The following LRRC69 variants were observed in gnomAD, a reference collection of about 807,000 sequenced individuals.
LRRC69 encodes leucine rich repeat containing 69.
A neutral mutation model predicts 37.8 loss-of-function variants in LRRC69; 42 were observed. The ratio of observed to expected loss-of-function variants is 1.11; its 90% CI spans 0.87 to 1.44. The LOEUF is 1.44. Among genes scored for constraint, LRRC69 ranks in the 40% most tolerant of loss-of-function variants. The probability of loss-of-function intolerance (pLI) is 0.00; values close to 1 mark genes in which losing one functional copy is unlikely to be tolerated. For missense variants in LRRC69, 357 were observed against 401.9 expected, an observed-to-expected ratio of 0.89 and a Z score of 0.96; for synonymous variants, 141 against 143.1, an observed-to-expected ratio of 0.99 and a Z score of 0.11.
intron 5 of LRRC69, among the ~76,000 whole-genome samples, chr8:91,150,638 T>A (rs576173876): frequency 6.6e-6 from 1 of 152,210 alleles, no homozygotes; most frequent in Non-Finnish European, 1.5e-5. Context: ...TTCTACTGAT[T>A]GGAATAGTTT....
At position 91,124,621 on chromosome 8, in the gene LRRC69, T is replaced by C. The variant is rs1813688219; in HGVS notation, c.310+2T>C. 6.5e-7 allele frequency: 1 copy of C among 1,528,536 alleles called. No individual in the cohort carries two copies. Among genetic ancestry groups the C allele is most frequent in the African/African-American group, 1.4e-5 (1 of 71,842 alleles). 94.7% of individuals were successfully genotyped at this position (1,528,536 alleles called of 1,614,324 possible). On this transcript the variant is annotated splice_donor_variant, in intron 2 of 7. Coordinates refer to ENST00000448384, the Ensembl canonical transcript of LRRC69. LOFTEE classifies it high-confidence loss of function. ...GTAGATTTGCACCTGGAGCCTGTGG[T>C]AATTTAATCAACAAGGAACAACATT...
intron 5 of LRRC69, among the ~76,000 whole-genome samples, chr8:91,151,283 G>A (rs1474063375): frequency 6.6e-6 from 1 of 151,296 alleles, no homozygotes; most frequent in Non-Finnish European, 1.5e-5. Flanking sequence ...CTGGTATGTT[G>A]TGTCTTTGTT....
At position 91,158,230 on chromosome 8, in the gene LRRC69, T is replaced by A; in HGVS notation, c.651+22491T>A. 2.5e-6 allele frequency: 4 copies of A among 1,589,048 alleles called. No homozygotes were observed. In the South Asian group the frequency reaches 4.4e-5, roughly 18 times the overall value. On this transcript the variant is annotated intron_variant, in intron 5 of 7. Transcript: ENST00000448384. ...CTTACTATTCAACTGTGGATCAAGT[T>A]AAGGATCTCTACAGTGGATTAATTG...
chr8:91,144,555 TC>T (rs1173135082), intron 5 of LRRC69, among the ~76,000 whole-genome samples: 5 of 152,138 alleles, frequency 3.3e-5, no homozygotes, highest in African/African-American at 1.2e-4. Context: ...AAATAGGACC[TC>T]TCATTACTGA....
At chr8:91,135,385 G>A (rs868677570) in intron 4 of LRRC69, among the ~76,000 whole-genome samples, 9 of 152,054 alleles carry the variant, frequency 5.9e-5, no homozygotes, top group African/African-American at 2.2e-4. Context: ...TTTGCCCATA[G>A]TTATAGTACC....
intron 5 of LRRC69, among the ~76,000 whole-genome samples, chr8:91,179,148 G>A (rs1421997828): frequency 6.6e-6 from 1 of 152,158 alleles, no homozygotes; most frequent in Non-Finnish European, 1.5e-5. Context: ...TTCTTGCATT[G>A]CTATAAATAA....
In LRRC69 at chr8:91,180,448, A is replaced by G. The variant is rs188894681; in HGVS notation, c.652-9074A>G. ...GAAGAGAGAATAAGCAGGAATTGCAATACCTTTTATGGTCTAATCTCTGAA... is the reference window on the plus strand; with the variant it reads ...GAAGAGAGAATAAGCAGGAATTGCAGTACCTTTTATGGTCTAATCTCTGAA... On this transcript the variant is annotated intron_variant, in intron 5 of 7. Coordinates refer to ENST00000448384, the Ensembl canonical transcript of LRRC69. Among the ~76,000 whole-genome samples the G allele has an allele frequency of 1.2e-3, 170 of 141,616 alleles. 1 individual carries two copies. The highest frequency in any genetic ancestry group is 2.4e-3 in the Admixed American group (34 of 14,252). 92.9% of individuals were successfully genotyped at this position (141,616 alleles called of 152,430 possible).
chr8:91,148,551 A>C (rs1586246508), intron 5 of LRRC69, among the ~76,000 whole-genome samples: 6 of 151,958 alleles, frequency 3.9e-5, no homozygotes, highest in Admixed American at 2.0e-4. Context: ...ATACATGTGC[A>C]TGTGTCTTTA....
intron 1 of LRRC69, among the ~76,000 whole-genome samples, chr8:91,113,902 G>A (rs890882915): frequency 1.5e-5 from 2 of 136,926 alleles, no homozygotes; most frequent in Non-Finnish European, 3.0e-5. Flanking sequence ...AATGGGTAAA[G>A]GGGCCAATAG....
intron 5 of LRRC69, chr8:91,158,363 T>G: frequency 7.0e-7 from 1 of 1,437,550 alleles, no homozygotes; most frequent in Middle Eastern, 1.8e-4. Flanking sequence ...ATCTTGGTAT[T>G]TAGATGACAA....
intron 7 of LRRC69, among the ~76,000 whole-genome samples, chr8:91,210,224 G>A (rs141959431): frequency 6.6e-6 from 1 of 152,242 alleles, no homozygotes; most frequent in East Asian, 1.9e-4. Context: ...GCAAAGTTAA[G>A]TAGTTTGTTC....
intron 5 of LRRC69, among the ~76,000 whole-genome samples, chr8:91,165,254 G>A (rs1024278463): frequency 2.6e-5 from 4 of 151,534 alleles, no homozygotes; most frequent in Admixed American, 6.6e-5. Flanking sequence ...TTTCAGGTGC[G>A]GTTTTATAGG....
chr8:91,126,397 C>A (rs371984664), intron 2 of LRRC69, among the ~76,000 whole-genome samples: 37 of 152,034 alleles, frequency 2.4e-4, no homozygotes, highest in African/African-American at 8.7e-4. Flanking sequence ...CTTTAAAAAT[C>A]TTTGAATTAG....
At chr8:91,150,637 T>C (rs1013130785) in intron 5 of LRRC69, among the ~76,000 whole-genome samples, 3 of 152,076 alleles carry the variant, frequency 2.0e-5, no homozygotes, top group African/African-American at 7.2e-5. Context: ...TTTCTACTGA[T>C]TGGAATAGTT....
At chr8:91,194,864 G>A (rs1809568102) in intron 6 of LRRC69, among the ~76,000 whole-genome samples, 1 of 151,664 alleles carries the variant, frequency 6.6e-6, no homozygotes, top group African/African-American at 2.4e-5. Flanking sequence ...TCTGATTTTA[G>A]TTATTTCTTG....
At chr8:91,157,547 A>G in intron 5 of LRRC69, 1 of 1,525,154 alleles carries the variant, frequency 6.6e-7, no homozygotes, top group Non-Finnish European at 9.0e-7. Context: ...AATGAGAATG[A>G]GGGTTTACTC....
chr8:91,155,785 G>A lies in LRRC69; in HGVS notation c.651+20046G>A, dbSNP rs138576257. Among the ~76,000 whole-genome samples the A allele has an allele frequency of 2.1e-3, 318 of 149,982 alleles. 2 individuals carry two copies. Among genetic ancestry groups the A allele is most frequent in the Admixed American group, 5.6e-3 (84 of 14,958 alleles). On this transcript the variant is annotated intron_variant, in intron 5 of 7. Transcript: ENST00000448384. Reference sequence around the variant, plus strand: ...TTTTACTTAATATAATGTCCTCCAGGTTCATCCATATTGCCTCGAATGACA... The same window carrying A: ...TTTTACTTAATATAATGTCCTCCAGATTCATCCATATTGCCTCGAATGACA...
rs192780887 is a variant in LRRC69 at position 91,157,185 on chromosome 8, G to A, written c.651+21446G>A. ...TTGGTATTTTGATAGGGATTGCTTC[G>A]AATCTGTAGATTGCTTTGTGTAATA... On this transcript the variant is annotated intron_variant, in intron 5 of 7. Coordinates refer to ENST00000448384, the Ensembl canonical transcript of LRRC69. The A allele has an allele frequency of 1.0e-3, 869 of 848,446 alleles. 8 individuals carry two copies. In the African/African-American group the frequency reaches 0.013, roughly 12 times the overall value. 52.6% of individuals were successfully genotyped at this position (848,446 alleles called of 1,614,324 possible). A position where few individuals can be genotyped will look rare whatever the true frequency, so the allele number is the denominator to read the frequency against.
At chr8:91,217,496 G>C (rs1810072890) in intron 7 of LRRC69, among the ~76,000 whole-genome samples, 1 of 152,116 alleles carries the variant, frequency 6.6e-6, no homozygotes. Context: ...AATGTCCTGG[G>C]GCTGATGTTC....
Sources: allele counts gnomAD v4.1 joint callset (sites outside exome capture counted in the v4.1 genomes callset), GRCh38; gene constraint gnomAD v4.1.1; transcripts MANE v1.5; gene names NCBI Gene and HGNC (gene_info 2026-07-23, HGNC 2026-07-21).